The following TEX11 variants were observed in gnomAD, a reference collection of about 807,000 sequenced individuals.
TEX11 encodes the protein testis-expressed protein 11.
Under a neutral mutation model 84.4 loss-of-function variants are expected in TEX11, and 7 were observed. That is an observed-to-expected ratio of 0.08 (90% confidence interval 0.05 to 0.16). The LOEUF (loss-of-function observed/expected upper bound fraction) is 0.16, where lower values mean the gene tolerates loss of function less well. Among genes scored for constraint, TEX11 ranks in the 10% least tolerant of loss-of-function variants. TEX11 has a pLI of 1.00. For missense variants in TEX11, 551 were observed against 660.5 expected (o/e 0.83, Z 1.82); for synonymous variants, 264 against 222.8 (o/e 1.18, Z -1.64).
intron 14 of TEX11, among the ~76,000 whole-genome samples, chrX:70,680,728 TA>T (rs1465448655): frequency 1.8e-5 from 2 of 111,972 alleles, no homozygotes; most frequent in Non-Finnish European, 3.8e-5. Flanking sequence ...CCATAATTGA[TA>T]ATATAATGCA....
At chrX:70,661,225 T>C (rs1224107027) in intron 16 of TEX11, among the ~76,000 whole-genome samples, 1 of 112,415 alleles carries the variant, frequency 8.9e-6, no homozygotes, top group African/African-American at 3.2e-5. Flanking sequence ...ACCAGGAGAC[T>C]GTATCCCACG....
At chrX:70,891,631 CA>C (rs1484270757) in intron 2 of TEX11, among the ~76,000 whole-genome samples, 2 of 110,070 alleles carry the variant, frequency 1.8e-5, no homozygotes, top group Non-Finnish European at 3.8e-5. Flanking sequence ...GAAAGGGTAT[CA>C]GTGATTGAAG....
intron 8 of TEX11, among the ~76,000 whole-genome samples, chrX:70,809,761 T>C (rs768651630): frequency 1.1e-3 from 127 of 110,709 alleles, no homozygotes; most frequent in Non-Finnish European, 2.1e-3. Context: ...CAGTGGTGCG[T>C]TCTCGGCTCA....
At chrX:70,525,518 C>T (rs959325600), downstream of TEX11, among the ~76,000 whole-genome samples, 3 of 107,996 alleles carry the variant, frequency 2.8e-5, no homozygotes, top group Non-Finnish European at 3.8e-5. Flanking sequence ...GCCCAGGAGG[C>T]GGAAGTTGCA....
chrX:70,606,832 T>TTA, intron 23 of TEX11, 127 bp downstream of exon 23: 2 of 372,020 alleles, frequency 5.4e-6, no homozygotes, highest in African/African-American at 2.6e-5. Context: ...TCATTCCTGC[T>TTA]TACATATATA....
chrX:70,833,648 C>T, intron 7 of TEX11, 55 bp from the exon 8 acceptor site: 1 of 991,366 alleles, frequency 1.0e-6, no homozygotes, highest in Non-Finnish European at 1.4e-6. Context: ...TTATTTGTCT[C>T]TAAGTCAATT....
At chrX:70,701,445 T>C (rs984529857) in intron 13 of TEX11, among the ~76,000 whole-genome samples, 2 of 111,879 alleles carry the variant, frequency 1.8e-5, no homozygotes, top group African/African-American at 6.5e-5. Context: ...GCTCACTGAA[T>C]AGTTTAAACC....
At chrX:70,524,558 T>G (rs777378135), downstream of TEX11, among the ~76,000 whole-genome samples, 6 of 112,327 alleles carry the variant, frequency 5.3e-5, no homozygotes, top group South Asian at 7.4e-4. Context: ...AGATGGTTTT[T>G]TTGTTGTTGT....
the TEX11 span, among the ~76,000 whole-genome samples, chrX:70,522,503 G>T: frequency 9.0e-6 from 1 of 111,543 alleles, no homozygotes; most frequent in Non-Finnish European, 1.9e-5. Context: ...CGTAAAAGGA[G>T]GGGTATTTAA....
intron 24 of TEX11, among the ~76,000 whole-genome samples, chrX:70,600,593 C>A (rs1184571234): frequency 1.9e-5 from 2 of 106,498 alleles, no homozygotes; most frequent in Non-Finnish European, 3.9e-5. Context: ...CACACCTATT[C>A]CAAAATTGAC....
At chrX:70,725,973 G>T (rs2090597335) in intron 11 of TEX11, among the ~76,000 whole-genome samples, 1 of 111,953 alleles carries the variant, frequency 8.9e-6, no homozygotes, top group Non-Finnish European at 1.9e-5. Flanking sequence ...TCCATACTCT[G>T]CACATAATTA....
intron 25 of TEX11, among the ~76,000 whole-genome samples, chrX:70,585,118 C>T (rs2088836160): frequency 8.9e-6 from 1 of 112,073 alleles, no homozygotes; most frequent in African/African-American, 3.2e-5. Flanking sequence ...TCACAGATGA[C>T]ATGACCCTAC....
At chrX:70,785,630 C>T (rs1334712185) in intron 9 of TEX11, among the ~76,000 whole-genome samples, 1 of 111,900 alleles carries the variant, frequency 8.9e-6, no homozygotes, top group Non-Finnish European at 1.9e-5. Context: ...AAGAAAAAAT[C>T]AAACAGCCCC....
chrX:70,631,335 A>C (rs191219641), intron 17 of TEX11, among the ~76,000 whole-genome samples: 1 of 112,531 alleles, frequency 8.9e-6, no homozygotes, highest in East Asian at 2.8e-4. Flanking sequence ...AAATCAACAA[A>C]AGAATGTTCT....
intron 25 of TEX11, among the ~76,000 whole-genome samples, chrX:70,586,486 A>G (rs372504461): frequency 2.5e-4 from 28 of 111,868 alleles, no homozygotes; most frequent in East Asian, 1.4e-3. Context: ...AAACAACCCA[A>G]TTTTAAATAT....
At chrX:70,564,694 G>T (rs2088431823) in intron 25 of TEX11, among the ~76,000 whole-genome samples, 1 of 107,463 alleles carries the variant, frequency 9.3e-6, no homozygotes, top group Non-Finnish European at 1.9e-5. Context: ...TGAGAATGAT[G>T]ATTTCCAATT....
chrX:70,689,019 T>C, intron 13 of TEX11, among the ~76,000 whole-genome samples: 1 of 109,861 alleles, frequency 9.1e-6, no homozygotes. Context: ...GACAAAGTTG[T>C]TTCTCATGAG....
chrX:70,897,646 AGGAAGGAAGGAAGGAAGGAAAAC>A (rs1184922148), intron 2 of TEX11: 12 of 93,180 alleles, frequency 1.3e-4, no homozygotes, highest in Non-Finnish European at 2.5e-4. Context: ...GAAGGAAGGA[AGGAAGGAAGGAAGGAAGGAAAAC>A]AAAGAAAGAA....
At chrX:70,560,906 T>G (rs2088362710) in intron 25 of TEX11, among the ~76,000 whole-genome samples, 2 of 60,973 alleles carry the variant, frequency 3.3e-5, no homozygotes, top group Non-Finnish European at 6.4e-5. Context: ...TTTTTTTTTT[T>G]TTTTTTTTTT....
Sources: allele counts gnomAD v4.1 joint callset (sites outside exome capture counted in the v4.1 genomes callset), GRCh38; gene constraint gnomAD v4.1.1; transcripts MANE v1.5; gene names NCBI Gene and HGNC (gene_info 2026-07-23, HGNC 2026-07-21).